The following SLC44A5 variants were observed in gnomAD, a reference collection of about 807,000 sequenced individuals.
SLC44A5 encodes solute carrier family 44 member 5.
A neutral mutation model predicts 101.8 loss-of-function variants in SLC44A5; 57 were observed. The ratio of observed to expected loss-of-function variants is 0.56; its 90% confidence interval spans 0.45 to 0.70. The LOEUF (loss-of-function observed/expected upper bound fraction) is 0.70, where lower values mean the gene tolerates loss of function less well. Among genes scored for constraint, SLC44A5 ranks in the 30% least tolerant of loss-of-function variants. The pLI, the probability that SLC44A5 is intolerant of heterozygous loss-of-function variation, is 0.00. For missense variants in SLC44A5, 737 were observed against 853.1 expected (o/e 0.86, Z 1.70); for synonymous variants, 281 against 290.9 (o/e 0.97, Z 0.35).
chr1:75,323,460 A>C (rs997538308), intron 4 of SLC44A5, among the ~76,000 whole-genome samples: 2 of 152,126 alleles, frequency 1.3e-5, no homozygotes, highest in Non-Finnish European at 2.9e-5. Context: ...TATACCCAGT[A>C]ATGGGATGGC....
chr1:75,516,500 G>C lies in SLC44A5; in HGVS notation c.13+24935C>G, dbSNP rs543876527. On this transcript the variant is annotated intron_variant, in intron 2 of 23. Transcript: ENST00000370859. ...CCACTGCACTCCAGCCTGGGGGACA[G>C]AGCAAGATTCCGTCTTACTAAAAAA... Among the ~76,000 whole-genome samples the C allele has an allele frequency of 5.9e-5, 9 of 152,258 alleles. 1 individual carries two copies. In the South Asian group the frequency reaches 1.9e-3, roughly 32 times the overall value.
intron 3 of SLC44A5, among the ~76,000 whole-genome samples, chr1:75,389,743 A>T (rs900157627): frequency 6.6e-6 from 1 of 152,184 alleles, no homozygotes; most frequent in Non-Finnish European, 1.5e-5. Context: ...CTAATATCAC[A>T]CTTAGAGGAA....
intron 2 of SLC44A5, chr1:75,521,450 G>A (rs1292362165): frequency 6.6e-6 from 1 of 152,148 alleles, no homozygotes; most frequent in Non-Finnish European, 1.5e-5. Flanking sequence ...ATATCTGTCT[G>A]ACTTGCCTCT....
chr1:75,662,134 G>GTA, the SLC44A5 span, among the ~76,000 whole-genome samples: 2 of 150,418 alleles, frequency 1.3e-5, no homozygotes, highest in Non-Finnish European at 2.9e-5. Context: ...TGAAAATATG[G>GTA]TATATATATA....
chr1:75,260,120 C>G lies in SLC44A5; in HGVS notation c.261-8826G>C, dbSNP rs564915420. The stretch of plus-strand genomic sequence containing the variant: ...CGATGCTAGGAAGAAACTGCATCAA[C>G]TAACGAGCAAAATAACCAGCTGGCA... On this transcript the variant is annotated intron_variant, in intron 6 of 23. Coordinates refer to ENST00000370859, the MANE Select transcript of SLC44A5 (RefSeq NM_001130058.2). Among the ~76,000 whole-genome samples, 26 of 152,270 alleles carry G rather than the reference C, an allele frequency of 1.7e-4. No homozygotes were observed. The Middle Eastern group carries it at 0.01, about 60-fold the overall frequency.
chr1:75,460,879 A>G (rs1390332548), intron 2 of SLC44A5, among the ~76,000 whole-genome samples: 1 of 152,188 alleles, frequency 6.6e-6, no homozygotes, highest in African/African-American at 2.4e-5. Flanking sequence ...CTAGTTGGAT[A>G]ATTGTTCACT....
chr1:75,341,599 A>G (rs1041138067), intron 3 of SLC44A5, among the ~76,000 whole-genome samples: 2 of 152,160 alleles, frequency 1.3e-5, no homozygotes, highest in African/African-American at 2.4e-5. Flanking sequence ...CATAAGCTGG[A>G]AACATCATTT....
At chr1:75,259,948 A>G (rs889394274) in intron 6 of SLC44A5, among the ~76,000 whole-genome samples, 1 of 152,168 alleles carries the variant, frequency 6.6e-6, no homozygotes, top group Non-Finnish European at 1.5e-5. Flanking sequence ...TAAGTGAAGG[A>G]GAAATAAAAT....
chr1:75,630,055 C>A, the SLC44A5 span, among the ~76,000 whole-genome samples: 2 of 152,168 alleles, frequency 1.3e-5, no homozygotes, highest in African/African-American at 2.4e-5. Context: ...CTCCATCCCC[C>A]CAATTTGCTA....
At chr1:75,403,914 C>T (rs1252481805) in intron 2 of SLC44A5, among the ~76,000 whole-genome samples, 1 of 152,014 alleles carries the variant, frequency 6.6e-6, no homozygotes, top group African/African-American at 2.4e-5. Flanking sequence ...GCTAAAGCAG[C>T]ATGTTCTAAC....
At chr1:75,545,274 T>C (rs2748444) in intron 1 of SLC44A5, among the ~76,000 whole-genome samples, 23,264 of 152,216 alleles carry the variant, frequency 0.15, 2,030 homozygotes, top group Admixed American at 0.23. Flanking sequence ...ACATTTGGGT[T>C]GGTTACAAGT....
At chr1:75,628,864 A>C in the SLC44A5 span, among the ~76,000 whole-genome samples, 1 of 152,194 alleles carries the variant, frequency 6.6e-6, no homozygotes, top group African/African-American at 2.4e-5. Context: ...TAACATGGGA[A>C]AGGTAGCTTT....
intron 2 of SLC44A5, among the ~76,000 whole-genome samples, chr1:75,465,027 G>T (rs1666738001): frequency 6.6e-6 from 1 of 152,096 alleles, no homozygotes; most frequent in African/African-American, 2.4e-5. Context: ...CTGCACTATA[G>T]ACCAAATGGA....
At chr1:75,360,476 T>C (rs1422121463) in intron 3 of SLC44A5, among the ~76,000 whole-genome samples, 1 of 152,126 alleles carries the variant, frequency 6.6e-6, no homozygotes, top group Admixed American at 6.6e-5. Context: ...GGCCAGTTGT[T>C]TTTTGTATAT....
intron 7 of SLC44A5, 108 bp downstream of exon 7, chr1:75,251,102 C>A (rs1649528896): frequency 2.5e-6 from 2 of 800,088 alleles, no homozygotes; most frequent in South Asian, 3.1e-5. Flanking sequence ...TCATAATGAA[C>A]CCCCTGCCCA....
chr1:75,229,601 C>T (rs1248036401), intron 12 of SLC44A5, among the ~76,000 whole-genome samples: 1 of 152,188 alleles, frequency 6.6e-6, no homozygotes, highest in African/African-American at 2.4e-5. Context: ...CCTGCTAATA[C>T]TGCCATTTTC....
chr1:75,597,495 T>C (rs1281279725), intron 1 of SLC44A5, among the ~76,000 whole-genome samples: 1 of 151,982 alleles, frequency 6.6e-6, no homozygotes, highest in Non-Finnish European at 1.5e-5. Context: ...GCCAAGGCAA[T>C]CATACACAAA....
chr1:75,254,035 G>T (rs1430429310), intron 6 of SLC44A5, among the ~76,000 whole-genome samples: 1 of 151,808 alleles, frequency 6.6e-6, no homozygotes, highest in Non-Finnish European at 1.5e-5. Flanking sequence ...AATTTCAGGG[G>T]ACCACAACTT....
At chr1:75,214,830 T>A in intron 19 of SLC44A5, 152 bp from the exon 20 acceptor site, 2 of 603,546 alleles carry the variant, frequency 3.3e-6, no homozygotes, top group Non-Finnish European at 5.8e-6. Flanking sequence ...TGGGACACAC[T>A]GTGTGTCCTC....
Sources: allele counts gnomAD v4.1 joint callset (sites outside exome capture counted in the v4.1 genomes callset), GRCh38; gene constraint gnomAD v4.1.1; transcripts MANE v1.5; gene names NCBI Gene and HGNC (gene_info 2026-07-23, HGNC 2026-07-21).